The following ZNF678 variants were observed in gnomAD, a reference collection of about 807,000 sequenced individuals.
ZNF678 encodes the protein hypothetical protein MGC42493.
A neutral mutation model predicts 3.0 loss-of-function variants in ZNF678; 5 were observed. The ratio of observed to expected loss-of-function variants is 1.69; its 90% CI spans 0.88 to 3.56. The LOEUF (loss-of-function observed/expected upper bound fraction) is 3.56, where lower values mean the gene tolerates loss of function less well. ZNF678 is among the 30% of genes most tolerant of loss of function. The pLI is 0.00. For missense variants in ZNF678, 593 were observed against 605.0 expected (o/e 0.98, Z 0.21); for synonymous variants, 218 against 199.6 (o/e 1.09, Z -0.78).
intron 1 of ZNF678, among the ~76,000 whole-genome samples, chr1:227,580,424 A>G (rs1415013877): frequency 1.3e-5 from 2 of 152,108 alleles, no homozygotes; most frequent in African/African-American, 4.8e-5. Context: ...AAACCTAAAT[A>G]TTTTTGACAG....
chr1:227,583,986 G>T (rs1657197769), intron 1 of ZNF678, among the ~76,000 whole-genome samples: 1 of 152,178 alleles, frequency 6.6e-6, no homozygotes, highest in African/African-American at 2.4e-5. Flanking sequence ...ATCTGTTGCT[G>T]CCCAAGACCT....
chr1:227,671,043 G>A (rs1263507192), intron 5 of ZNF678, among the ~76,000 whole-genome samples: 1 of 139,150 alleles, frequency 7.2e-6, no homozygotes, highest in Admixed American at 7.2e-5. Context: ...GGCTCCATTT[G>A]TTAGGAAAAT....
intron 1 of ZNF678, among the ~76,000 whole-genome samples, chr1:227,588,585 C>G (rs766032156): frequency 4.7e-5 from 7 of 149,800 alleles, no homozygotes; most frequent in Non-Finnish European, 1.0e-4. Flanking sequence ...ATGCAACCTC[C>G]ACCTCCTGTG....
rs571211178 is a variant in ZNF678 at position 227,639,664 on chromosome 1, G to A, written c.-163-6880G>A. Among the ~76,000 whole-genome samples the A allele has an allele frequency of 9.2e-5, 14 of 152,120 alleles. No individual in the cohort carries two copies. The East Asian group carries it at 1.4e-3, about 15-fold the overall frequency. ...CACACAATCATGTGGTCTCAAAAGCGGTGTCCAGAGGCCCCGTCTTGATAA... is the reference window on the plus strand; with the variant it reads ...CACACAATCATGTGGTCTCAAAAGCAGTGTCCAGAGGCCCCGTCTTGATAA... On this transcript the variant is annotated intron_variant, in intron 1 of 3. Coordinates refer to ENST00000343776, the MANE Select transcript of ZNF678 (RefSeq NM_001367909.1).
At chr1:227,617,420 T>C (rs2102766380) in intron 1 of ZNF678, among the ~76,000 whole-genome samples, 1 of 152,322 alleles carries the variant, frequency 6.6e-6, no homozygotes, top group Non-Finnish European at 1.5e-5. Flanking sequence ...TATACCGTCA[T>C]GGGGAGTACC....
intron 1 of ZNF678, among the ~76,000 whole-genome samples, chr1:227,631,068 G>A (rs975411555): frequency 1.1e-4 from 17 of 152,092 alleles, no homozygotes; most frequent in South Asian, 2.1e-4. Flanking sequence ...CTTTCTTAGC[G>A]TCTGAGGGTC....
At chr1:227,616,980 T>A (rs1468970094) in intron 1 of ZNF678, among the ~76,000 whole-genome samples, 4 of 152,146 alleles carry the variant, frequency 2.6e-5, no homozygotes, top group South Asian at 2.1e-4. Flanking sequence ...TTGGGCCATG[T>A]GATAGCAGAT....
rs779949685 is a variant in ZNF678, at chr1:227,660,585, T to G, written c.*4757T>G. The G allele has an allele frequency of 6.6e-6, 1 of 152,158 alleles. No homozygotes were observed. The highest frequency in any genetic ancestry group is 1.5e-5 in the Non-Finnish European group (1 of 68,024). 9.4% of individuals were successfully genotyped at this position (152,158 alleles called of 1,614,324 possible). A position where few individuals can be genotyped will look rare whatever the true frequency, so the allele number is the denominator to read the frequency against. On this transcript the variant is annotated 3_prime_UTR_variant, in exon 4 of 4. Coordinates refer to ENST00000343776, the MANE Select transcript of ZNF678 (RefSeq NM_001367909.1). ...ACCCTTATATCTTGATTTTGTATCC[T>G]GCAACTTTAGTGAATTTATTCTAAG...
At chr1:227,576,557 T>C in intron 1 of ZNF678, among the ~76,000 whole-genome samples, 1 of 152,242 alleles carries the variant, frequency 6.6e-6, no homozygotes, top group South Asian at 2.1e-4. Context: ...TTTCTAATGA[T>C]TGGTTGTATT....
intron 1 of ZNF678, among the ~76,000 whole-genome samples, chr1:227,583,991 A>G (rs999333090): frequency 6.6e-6 from 1 of 152,204 alleles, no homozygotes; most frequent in African/African-American, 2.4e-5. Context: ...TTGCTGCCCA[A>G]GACCTCAAGT....
At chr1:227,600,514 T>C (rs1558138927) in intron 1 of ZNF678, among the ~76,000 whole-genome samples, 1 of 152,252 alleles carries the variant, frequency 6.6e-6, no homozygotes, top group Non-Finnish European at 1.5e-5. Context: ...TATCTCATTG[T>C]GGTTTTGATT....
intron 1 of ZNF678, among the ~76,000 whole-genome samples, chr1:227,595,346 TA>T (rs1657536301): frequency 6.6e-6 from 1 of 152,178 alleles, no homozygotes; most frequent in Admixed American, 6.5e-5. Context: ...AAACCAGCTG[TA>T]ACCAAGCATC....
chr1:227,572,482 A>G (rs532864464), intron 1 of ZNF678, among the ~76,000 whole-genome samples: 85 of 152,346 alleles, frequency 5.6e-4, no homozygotes, highest in African/African-American at 1.9e-3. Flanking sequence ...GCCTGCCAGA[A>G]ATGCAATTGT....
At chr1:227,580,444 C>G (rs1336308873) in intron 1 of ZNF678, among the ~76,000 whole-genome samples, 2 of 152,032 alleles carry the variant, frequency 1.3e-5, no homozygotes, top group Non-Finnish European at 2.9e-5. Context: ...GAAATTATAT[C>G]CATATTTCTG....
chr1:227,642,197 A>G (rs907813139), intron 1 of ZNF678, among the ~76,000 whole-genome samples: 1 of 152,220 alleles, frequency 6.6e-6, no homozygotes, highest in Non-Finnish European at 1.5e-5. Flanking sequence ...GGATGGATAG[A>G]AAACTCAGGG....
At chr1:227,583,456 A>G (rs1389355680) in intron 1 of ZNF678, among the ~76,000 whole-genome samples, 3 of 151,340 alleles carry the variant, frequency 2.0e-5, no homozygotes, top group East Asian at 1.9e-4. Context: ...GGTTCAAGCA[A>G]TTCTCATACC....
intron 1 of ZNF678, among the ~76,000 whole-genome samples, chr1:227,616,282 A>G (rs1218233465): frequency 6.6e-6 from 1 of 152,244 alleles, no homozygotes; most frequent in Non-Finnish European, 1.5e-5. Context: ...ACTGTAAGAA[A>G]AATAACACCT....
chr1:227,649,487 A>T (rs1451618041), intron 2 of ZNF678, among the ~76,000 whole-genome samples: 1 of 152,140 alleles, frequency 6.6e-6, no homozygotes, highest in Non-Finnish European at 1.5e-5. Flanking sequence ...GGTAGCCAAG[A>T]TTACAGGCAT....
At chr1:227,614,631 A>AC (rs753570971) in intron 1 of ZNF678, among the ~76,000 whole-genome samples, 2 of 152,156 alleles carry the variant, frequency 1.3e-5, no homozygotes, top group African/African-American at 2.4e-5. Flanking sequence ...TTTTTGTATG[A>AC]CAGAGATAAA....
Sources: allele counts gnomAD v4.1 joint callset (sites outside exome capture counted in the v4.1 genomes callset), GRCh38; gene constraint gnomAD v4.1.1; transcripts MANE v1.5; gene names NCBI Gene and HGNC (gene_info 2026-07-23, HGNC 2026-07-21).